SGCD: variants seen among roughly 807,000 people sequenced by gnomAD.
SGCD encodes sarcoglycan delta, also known as delta-sarcoglycan.
Under a neutral mutation model 36.6 loss-of-function variants are expected in SGCD, and 18 were observed. That is an observed-to-expected ratio of 0.49 (90% CI 0.34 to 0.73). The LOEUF (loss-of-function observed/expected upper bound fraction) is 0.73. Ranked by LOEUF, SGCD falls within the 30% of genes least tolerant of loss-of-function variation. SGCD has a pLI of 0.01. For synonymous variants in SGCD, 133 were observed against 130.6 expected, an observed-to-expected ratio of 1.02 and a Z score of -0.12; for missense variants, 387 against 346.7, an observed-to-expected ratio of 1.12 and a Z score of -0.92.
intron 2 of SGCD, among the ~76,000 whole-genome samples, chr5:156,332,592 A>G (rs886709464): frequency 6.6e-6 from 1 of 152,210 alleles, no homozygotes; most frequent in Non-Finnish European, 1.5e-5. Flanking sequence ...GACACATAGG[A>G]GAGAAGTTAG....
At chr5:155,968,589 TA>T (rs1363169494) in intron 1 of SGCD, among the ~76,000 whole-genome samples, 1 of 152,138 alleles carries the variant, frequency 6.6e-6, no homozygotes, top group Non-Finnish European at 1.5e-5. Flanking sequence ...ATTTCAAAAT[TA>T]AGCTTTATCA....
rs1039177300 is a variant in SGCD at position 155,951,107 on chromosome 5, T to C, written c.-282+80683T>C. On this transcript the variant is annotated intron_variant, in intron 1 of 9. Coordinates refer to the SGCD transcript ENST00000517913. ...TCTCTTTCACACTCCAAACACAAGA[T>C]GCGGATTTCACATTTTAGCATGATG... Among the ~76,000 whole-genome samples, 3 of 152,108 alleles carry C rather than the reference T, an allele frequency of 2.0e-5. No individual in the cohort carries two copies. The South Asian group carries it at 6.2e-4, about 31-fold the overall frequency.
the SGCD span, among the ~76,000 whole-genome samples, chr5:155,833,293 T>C: frequency 6.6e-6 from 1 of 152,120 alleles, no homozygotes; most frequent in Admixed American, 6.5e-5. Flanking sequence ...CACTGTGCAG[T>C]GCTTATTTCT....
At chr5:155,989,769 G>A in intron 1 of SGCD, among the ~76,000 whole-genome samples, 1 of 152,194 alleles carries the variant, frequency 6.6e-6, no homozygotes, top group East Asian at 1.9e-4. Flanking sequence ...TTCAGCAGGT[G>A]ATAAGCAAGA....
At chr5:156,018,758 G>A (rs1395881844) in intron 1 of SGCD, among the ~76,000 whole-genome samples, 1 of 152,122 alleles carries the variant, frequency 6.6e-6, no homozygotes, top group African/African-American at 2.4e-5. Context: ...GTCTTTCATA[G>A]CAAATTTCCT....
chr5:156,620,835 G>C (rs1163818723), intron 6 of SGCD, among the ~76,000 whole-genome samples: 2 of 152,312 alleles, frequency 1.3e-5, no homozygotes, highest in East Asian at 3.9e-4. Flanking sequence ...AATATCTCAG[G>C]GTTGTGCTAG....
chr5:155,868,219 T>C (rs1004353009), upstream of SGCD, among the ~76,000 whole-genome samples: 2 of 152,052 alleles, frequency 1.3e-5, no homozygotes, highest in Non-Finnish European at 2.9e-5. Context: ...GCCTGGCTAA[T>C]TTTTGTATTT....
At chr5:156,488,683 A>G (rs1755811068) in intron 3 of SGCD, among the ~76,000 whole-genome samples, 1 of 152,192 alleles carries the variant, frequency 6.6e-6, no homozygotes. Context: ...CCAGAACATG[A>G]TATCTACCAT....
At chr5:155,743,800 C>G in the SGCD span, among the ~76,000 whole-genome samples, 1 of 152,116 alleles carries the variant, frequency 6.6e-6, no homozygotes, top group Non-Finnish European at 1.5e-5. Flanking sequence ...ATGAGGAAAA[C>G]CAAAATTGTT....
intron 1 of SGCD, among the ~76,000 whole-genome samples, chr5:156,101,884 A>G (rs891160804): frequency 1.4e-5 from 2 of 146,656 alleles, no homozygotes; most frequent in African/African-American, 5.1e-5. Flanking sequence ...AGGAGAATCT[A>G]TTCACTGGTG....
At chr5:156,757,771 G>A in intron 8 of SGCD, 67 bp downstream of exon 8, 1 of 1,548,276 alleles carries the variant, frequency 6.5e-7, no homozygotes, top group Non-Finnish European at 8.7e-7. Context: ...TCCCATAACT[G>A]GTTGACCTCG....
chr5:156,629,855 CTTTTTTT>C (rs560099325), intron 6 of SGCD, among the ~76,000 whole-genome samples: 13 of 85,626 alleles, frequency 1.5e-4, no homozygotes, highest in South Asian at 4.1e-4. Context: ...GAGACTTTTT[CTTTTTTT>C]TTTTTTTTTT....
chr5:156,368,071 G>C (rs756444226), intron 3 of SGCD, among the ~76,000 whole-genome samples: 3 of 151,214 alleles, frequency 2.0e-5, no homozygotes, highest in Non-Finnish European at 4.4e-5. Context: ...AGCTTAAACA[G>C]TCTGTATTCA....
intron 3 of SGCD, among the ~76,000 whole-genome samples, chr5:156,168,602 A>G (rs1292886631): frequency 1.3e-5 from 2 of 152,222 alleles, no homozygotes; most frequent in Non-Finnish European, 2.9e-5. Flanking sequence ...TTATGTTTTA[A>G]TATTAAATAA....
At chr5:156,284,758 G>A (rs1175475518) in intron 3 of SGCD, among the ~76,000 whole-genome samples, 1 of 152,066 alleles carries the variant, frequency 6.6e-6, no homozygotes, top group Non-Finnish European at 1.5e-5. Flanking sequence ...TTTGAAAACT[G>A]GCACAAGACA....
At chr5:156,484,553 C>A (rs538614968) in intron 3 of SGCD, among the ~76,000 whole-genome samples, 66 of 152,292 alleles carry the variant, frequency 4.3e-4, no homozygotes, top group Admixed American at 9.2e-4. Flanking sequence ...AAGCTAGTAT[C>A]TTAATTATAT....
At chr5:156,024,117 G>T (rs1386246942) in intron 1 of SGCD, among the ~76,000 whole-genome samples, 1 of 152,114 alleles carries the variant, frequency 6.6e-6, no homozygotes, top group Non-Finnish European at 1.5e-5. Context: ...GTAAGTATCG[G>T]AAGGTATAGG....
At chr5:156,122,319 T>C (rs1762062404) in intron 2 of SGCD, among the ~76,000 whole-genome samples, 1 of 152,188 alleles carries the variant, frequency 6.6e-6, no homozygotes, top group Admixed American at 6.6e-5. Context: ...GCATGGAGTT[T>C]ACATTTTATT....
intron 1 of SGCD, among the ~76,000 whole-genome samples, chr5:155,873,058 T>TA: frequency 6.6e-6 from 1 of 152,276 alleles, no homozygotes; most frequent in East Asian, 1.9e-4. Flanking sequence ...AGGCACAATG[T>TA]AGTTATTGCC....
Sources: gnomAD v4.1 joint callset for allele counts (sites outside exome capture counted in the v4.1 genomes callset) on GRCh38, gnomAD v4.1.1 for gene constraint, MANE v1.5 for transcripts, NCBI Gene and HGNC (gene_info 2026-07-23, HGNC 2026-07-21) for gene names.